The following KCNK5 variants were observed in gnomAD, a reference collection of about 807,000 sequenced individuals.
The protein encoded by KCNK5 is potassium channel subfamily K member 5.
Under a neutral mutation model 32.9 loss-of-function variants are expected in KCNK5, and 18 were observed. That is an observed-to-expected ratio of 0.55 (90% CI 0.38 to 0.81). KCNK5 has a LOEUF of 0.81. KCNK5 is among the 30% of genes least tolerant of loss of function. The pLI is 0.00. For missense variants in KCNK5, 507 were observed against 651.0 expected (o/e 0.78, Z 2.41); for synonymous variants, 276 against 275.3 (o/e 1.00, Z -0.03).
At position 39,190,902 on chromosome 6, in the gene KCNK5, G is replaced by A. The variant is rs760508454; in HGVS notation, c.1488C>T (p.Pro496=). The change falls in exon 5 of 5, where the codon CCC becomes CCT. Residue 496 remains proline, a synonymous_variant. Coordinates refer to ENST00000359534, the MANE Select transcript of KCNK5 (RefSeq NM_003740.4). ...LMNEYNKANS[P]KGT ...AGCCGGCCCTGCCTCATGTGCCCTTGGGGCTGTTAGCCTTGTTGTACTCAT... is the reference window on the plus strand; with the variant it reads ...AGCCGGCCCTGCCTCATGTGCCCTTAGGGCTGTTAGCCTTGTTGTACTCAT... The A allele has an allele frequency of 4.0e-5, 59 of 1,471,980 alleles. 1 individual carries two copies. In the South Asian group the frequency reaches 7.3e-4, roughly 18 times the overall value. The allele number at this position is 1,471,980 out of a possible 1,614,324, so 91.2% of individuals were successfully genotyped here.
chr6:39,229,037 C>T lies in KCNK5; in HGVS notation c.75G>A (p.Val25=). ...CCTCCTTCCAGTGTGGCTCCTCCAG[C>T]ACTTCGAAGATCGCCGCCCCGATGG... The part of the protein sequence containing the change: ...YLAIGAAIFE[V]LEEPHWKEAK... Residue 25 remains valine (V), a synonymous_variant, in exon 1 of 5, where the codon GTG becomes GTA. Transcript: ENST00000359534. The T allele has an allele frequency of 6.2e-7, 1 of 1,614,196 alleles. No individual in the cohort carries two copies. The highest frequency in any genetic ancestry group is 8.5e-7 in the Non-Finnish European group (1 of 1,180,036).
chr6:39,226,398 C>T (rs1771671146), intron 1 of KCNK5, among the ~76,000 whole-genome samples: 7 of 152,156 alleles, frequency 4.6e-5, no homozygotes, highest in Admixed American at 2.0e-4. Flanking sequence ...TCTGACAATT[C>T]GGGGGGTATT....
chr6:39,219,718 T>G (rs1315789305), intron 1 of KCNK5, among the ~76,000 whole-genome samples: 1 of 152,128 alleles, frequency 6.6e-6, no homozygotes, highest in Non-Finnish European at 1.5e-5. Flanking sequence ...ACACAGCTTT[T>G]GGCATCCCCC....
At chr6:39,206,129 A>G (rs1771221644) in intron 1 of KCNK5, among the ~76,000 whole-genome samples, 1 of 151,812 alleles carries the variant, frequency 6.6e-6, no homozygotes, top group African/African-American at 2.4e-5. Context: ...AAGATGGTGA[A>G]GCCAAACAGC....
chr6:39,208,656 G>A (rs796940797), intron 1 of KCNK5, among the ~76,000 whole-genome samples: 30 of 152,358 alleles, frequency 2.0e-4, no homozygotes, highest in African/African-American at 6.5e-4. Flanking sequence ...TGGGATGGAT[G>A]GCATTCTGTG....
intron 1 of KCNK5, among the ~76,000 whole-genome samples, chr6:39,226,208 G>A (rs1480924959): frequency 6.6e-6 from 1 of 152,184 alleles, no homozygotes; most frequent in South Asian, 2.1e-4. Context: ...CCTTGTGTGA[G>A]TCTGCAATTT....
At chr6:39,211,108 T>A (rs571056816) in intron 1 of KCNK5, among the ~76,000 whole-genome samples, 36 of 152,230 alleles carry the variant, frequency 2.4e-4, no homozygotes, top group African/African-American at 8.4e-4. Context: ...GTTTTCACCC[T>A]AAGAAGAGAA....
At chr6:39,207,872 G>A (rs1485239615) in intron 1 of KCNK5, among the ~76,000 whole-genome samples, 3 of 152,152 alleles carry the variant, frequency 2.0e-5, no homozygotes, top group South Asian at 4.1e-4. Flanking sequence ...TCTCACCACC[G>A]CCAATACCGC....
intron 1 of KCNK5, among the ~76,000 whole-genome samples, chr6:39,223,285 T>A (rs969400282): frequency 1.3e-5 from 2 of 152,208 alleles, no homozygotes; most frequent in African/African-American, 4.8e-5. Context: ...ACTGCTTGGT[T>A]GGTGATTCCT....
chr6:39,199,380 T>A (rs1483379074), intron 1 of KCNK5, among the ~76,000 whole-genome samples: 2 of 152,226 alleles, frequency 1.3e-5, no homozygotes, highest in African/African-American at 4.8e-5. Flanking sequence ...TGGTGTGCCC[T>A]TTGGGGACCA....
intron 1 of KCNK5, among the ~76,000 whole-genome samples, chr6:39,226,118 C>T (rs1452967268): frequency 1.3e-5 from 2 of 152,222 alleles, no homozygotes; most frequent in Admixed American, 6.5e-5. Context: ...CAAAACCAGC[C>T]TGTGCCCTCT....
intron 1 of KCNK5, among the ~76,000 whole-genome samples, chr6:39,204,941 T>G (rs945155158): frequency 1.3e-5 from 2 of 152,226 alleles, no homozygotes; most frequent in Non-Finnish European, 2.9e-5. Flanking sequence ...ACCCTGGGCT[T>G]CTGACTTTCA....
chr6:39,190,844 A>AG lies in KCNK5; in HGVS notation c.*45dup, dbSNP rs1042071581. Reference sequence around the variant, plus strand: ...GGTCATCTCGGGACACCCTAGGGTGAGGGGGGAAGAGGCCATCAAAGGTGG... The same window carrying AG: ...GGTCATCTCGGGACACCCTAGGGTGAGGGGGGGAAGAGGCCATCAAAGGTGG... On this transcript the variant is annotated 3_prime_UTR_variant, in exon 5 of 5. Transcript: ENST00000359534. The AG allele has an allele frequency of 2.3e-5, 33 of 1,441,988 alleles. No individual in the cohort carries two copies. The highest frequency in any genetic ancestry group is 4.3e-5 in the African/African-American group (3 of 69,690). The allele number at this position is 1,441,988 out of a possible 1,614,324, so 89.3% of individuals were successfully genotyped here.
intron 1 of KCNK5, among the ~76,000 whole-genome samples, chr6:39,223,190 T>C (rs1771590111): frequency 6.6e-6 from 1 of 152,198 alleles, no homozygotes; most frequent in South Asian, 2.1e-4. Context: ...CAGCTAACAC[T>C]TAGTGAGCAT....
In KCNK5 at chr6:39,194,942, A is replaced by G. The variant is rs533199677; in HGVS notation, c.299-182T>C. Among the ~76,000 whole-genome samples, 1 of 152,312 alleles carries G rather than the reference A, an allele frequency of 6.6e-6. No homozygotes were observed. Among genetic ancestry groups the G allele is most frequent in the African/African-American group, 2.4e-5 (1 of 41,564 alleles). ...GATCATTGATAAAGCAATTATGATG[A>G]CATGAGCTGTATCTCCTCCATCATA... On this transcript the variant is annotated intron_variant, in intron 2 of 4. Transcript: ENST00000359534. This position sits in a 1 kb window ranked among gnomAD's most constrained non-coding sequence, Gnocchi z 4.7.
chr6:39,201,330 C>A (rs1183625136), intron 1 of KCNK5, among the ~76,000 whole-genome samples: 1 of 151,678 alleles, frequency 6.6e-6, no homozygotes, highest in African/African-American at 2.4e-5. Context: ...CAGCTCACTG[C>A]AACCTCAGCC....
chr6:39,190,484 C>T lies in KCNK5; in HGVS notation c.*406G>A, dbSNP rs959479790. ...ACTTCAGAGCTCCCTCTCCAAATGC[C>T]GAGCTCAGTAATACCGGTAAACTTA... On this transcript the variant is annotated 3_prime_UTR_variant, in exon 5 of 5. Coordinates refer to ENST00000359534, the MANE Select transcript of KCNK5 (RefSeq NM_003740.4). 5 of 159,874 alleles carry T rather than the reference C, an allele frequency of 3.1e-5. No individual in the cohort carries two copies. Among genetic ancestry groups the T allele is most frequent in the African/African-American group, 4.8e-5 (2 of 41,640 alleles). The allele number at this position is 159,874 out of a possible 1,614,324, so 9.9% of individuals were successfully genotyped here.
intron 1 of KCNK5, among the ~76,000 whole-genome samples, chr6:39,220,688 T>C (rs1771529964): frequency 6.6e-6 from 1 of 152,166 alleles, no homozygotes; most frequent in African/African-American, 2.4e-5. Flanking sequence ...TGATGGGTTT[T>C]ATCATGTTCC....
intron 1 of KCNK5, among the ~76,000 whole-genome samples, chr6:39,202,569 C>A (rs1771148354): frequency 6.6e-6 from 1 of 152,214 alleles, no homozygotes; most frequent in Non-Finnish European, 1.5e-5. Flanking sequence ...GTGACTGGGA[C>A]TGTCCTTCCT....
Sources: gnomAD v4.1 joint callset for allele counts (sites outside exome capture counted in the v4.1 genomes callset) on GRCh38, gnomAD v4.1.1 for gene constraint, Gnocchi (gnomAD v3.1) non-coding constraint, MANE v1.5 for transcripts, NCBI Gene and HGNC (gene_info 2026-07-23, HGNC 2026-07-21) for gene names.